CDK7: variants seen among roughly 807,000 people sequenced by gnomAD.
CDK7 encodes cyclin dependent kinase 7.
CDK7 carries 25 observed loss-of-function variants against 49.1 expected under a neutral mutation model. That is an observed-to-expected ratio of 0.51 (90% confidence interval 0.37 to 0.71). The LOEUF (loss-of-function observed/expected upper bound fraction) is 0.71. CDK7 is among the 30% of genes least tolerant of loss of function. The pLI is 0.00. For synonymous variants in CDK7, 107 were observed against 140.0 expected (o/e 0.76, Z 1.67); for missense variants, 316 against 411.7 (o/e 0.77, Z 2.01).
Position 69,269,199 on chromosome 5 carries a change from T to A in CDK7, c.628-8T>A. On this transcript the variant is annotated splice_polypyrimidine_tract_variant and splice_region_variant and intron_variant, in intron 8 of 11. Coordinates refer to ENST00000256443, the MANE Select transcript of CDK7 (RefSeq NM_001799.4). Reference sequence around the variant, plus strand: ...ACCTTGAAAAGTCTCCCTCTTACTTTCTTTCAGGTTCCTTTTTTGCCAGGA... The same window carrying A: ...ACCTTGAAAAGTCTCCCTCTTACTTACTTTCAGGTTCCTTTTTTGCCAGGA... 1 of 1,583,242 alleles carries A rather than the reference T, an allele frequency of 6.3e-7. No individual in the cohort carries two copies. The highest frequency in any genetic ancestry group is 8.6e-7 in the Non-Finnish European group (1 of 1,166,208).
chr5:69,253,839 C>A (rs1231814338), intron 3 of CDK7, among the ~76,000 whole-genome samples: 1 of 152,194 alleles, frequency 6.6e-6, no homozygotes, highest in Non-Finnish European at 1.5e-5. Context: ...TGGCTTACGC[C>A]TGTAATCCCA....
rs151286092 is a variant in CDK7, at chr5:69,258,165, A to C, written c.408+12A>C. Reference sequence around the variant, plus strand: ...GGATCCTACATAGGGTAAGGTTTTTAATATTGCTTCTTTATACTAGTCAAG... The same window carrying C: ...GGATCCTACATAGGGTAAGGTTTTTCATATTGCTTCTTTATACTAGTCAAG... On this transcript the variant is annotated intron_variant, in intron 6 of 11. Transcript: ENST00000256443. 3.4e-4 allele frequency: 427 copies of C among 1,269,088 alleles called. 3 individuals carry two copies. The East Asian group carries it at 7.4e-3, about 22-fold the overall frequency. 78.6% of individuals were successfully genotyped at this position (1,269,088 alleles called of 1,614,324 possible).
chr5:69,243,558 C>T lies in CDK7; in HGVS notation c.126+8105C>T, dbSNP rs528731191. Among the ~76,000 whole-genome samples the T allele has an allele frequency of 7.1e-4, 108 of 152,046 alleles. 1 individual carries two copies. The highest frequency in any genetic ancestry group is 1.0e-3 in the Non-Finnish European group (69 of 68,022). ...TTATTATAGCTTTGTTGTATGAAGTCGGGTAATGTGATTCCTCCCTTTTGT... is the reference window on the plus strand; with the variant it reads ...TTATTATAGCTTTGTTGTATGAAGTTGGGTAATGTGATTCCTCCCTTTTGT... On this transcript the variant is annotated intron_variant, in intron 2 of 11. Coordinates refer to ENST00000256443, the MANE Select transcript of CDK7 (RefSeq NM_001799.4).
chr5:69,271,927 T>G (rs1052999898), intron 9 of CDK7, among the ~76,000 whole-genome samples: 16 of 147,140 alleles, frequency 1.1e-4, no homozygotes, highest in African/African-American at 4.1e-4. Context: ...AAGGTTCAGT[T>G]TTTGTTTTTT....
chr5:69,271,805 C>A (rs775756961), intron 9 of CDK7, among the ~76,000 whole-genome samples: 11 of 152,114 alleles, frequency 7.2e-5, no homozygotes, highest in Non-Finnish European at 1.3e-4. Context: ...AGCCACTATG[C>A]CCTTGGCTGT....
At chr5:69,256,316 T>C (rs1750487882) in intron 5 of CDK7, among the ~76,000 whole-genome samples, 1 of 152,096 alleles carries the variant, frequency 6.6e-6, no homozygotes, top group African/African-American at 2.4e-5. Flanking sequence ...CAGAGTAATG[T>C]CATTCTTTTG....
intron 2 of CDK7, among the ~76,000 whole-genome samples, chr5:69,237,837 C>T (rs1404475103): frequency 6.6e-6 from 1 of 152,150 alleles, no homozygotes; most frequent in Admixed American, 6.6e-5. Flanking sequence ...GTCTCCTGGC[C>T]TCAAGTGATT....
chr5:69,242,473 C>T (rs1211880974), intron 2 of CDK7, among the ~76,000 whole-genome samples: 2 of 152,122 alleles, frequency 1.3e-5, no homozygotes, highest in Non-Finnish European at 2.9e-5. Context: ...CTGAAAGATA[C>T]CCCAACCACC....
chr5:69,260,473 C>G (rs939872731), intron 7 of CDK7, among the ~76,000 whole-genome samples: 1 of 152,072 alleles, frequency 6.6e-6, no homozygotes, highest in African/African-American at 2.4e-5. Flanking sequence ...AGACATTTAC[C>G]TTGTAAATGG....
chr5:69,269,170 A>AC (rs776844017), intron 8 of CDK7, 37 bp from the exon 9 acceptor site: 1 of 1,292,930 alleles, frequency 7.7e-7, no homozygotes, highest in Non-Finnish European at 1.1e-6. Context: ...AAAAAAAAAA[A>AC]CCCACCTTGA....
At chr5:69,245,116 A>C (rs1446549951) in intron 2 of CDK7, among the ~76,000 whole-genome samples, 1 of 152,140 alleles carries the variant, frequency 6.6e-6, no homozygotes, top group African/African-American at 2.4e-5. Flanking sequence ...AATGTACATC[A>C]GGATATTGGC....
At chr5:69,267,642 G>GA (rs1401784811) in intron 8 of CDK7, among the ~76,000 whole-genome samples, 1 of 151,618 alleles carries the variant, frequency 6.6e-6, no homozygotes, top group Non-Finnish European at 1.5e-5. Flanking sequence ...ATTGTCATCT[G>GA]AAAAAAGTGA....
At position 69,269,191 on chromosome 5, in the gene CDK7, TCTTA is replaced by T; in HGVS notation, c.628-12_628-9del. On this transcript the variant is annotated splice_polypyrimidine_tract_variant and intron_variant, in intron 8 of 11. Coordinates refer to ENST00000256443, the MANE Select transcript of CDK7 (RefSeq NM_001799.4). ...AAAAACCCACCTTGAAAAGTCTCCCTCTTACTTTCTTTCAGGTTCCTTTTTTGCC... is the reference window on the plus strand; with the variant it reads ...AAAAACCCACCTTGAAAAGTCTCCCTCTTTCTTTCAGGTTCCTTTTTTGCC... 4.5e-6 allele frequency: 7 copies of T among 1,546,522 alleles called. No homozygotes were observed. The highest frequency in any genetic ancestry group is 6.2e-6 in the Non-Finnish European group (7 of 1,136,002).
At chr5:69,253,857 G>C (rs965656226) in intron 3 of CDK7, among the ~76,000 whole-genome samples, 1 of 151,606 alleles carries the variant, frequency 6.6e-6, no homozygotes, top group African/African-American at 2.4e-5. Flanking sequence ...CCAGCACTTT[G>C]GGAGGGTGAG....
intron 8 of CDK7, among the ~76,000 whole-genome samples, chr5:69,267,557 A>G (rs763376015): frequency 1.4e-4 from 21 of 151,990 alleles, no homozygotes; most frequent in Non-Finnish European, 2.4e-4. Context: ...TCACCCTCCT[A>G]AAGTGCTGGG....
At chr5:69,261,490 CTGTG>C (rs1168767153) in intron 7 of CDK7, among the ~76,000 whole-genome samples, 1,640 of 139,622 alleles carry the variant, frequency 0.012, 36 homozygotes, top group African/African-American at 0.041. Flanking sequence ...AAAAGGTTCT[CTGTG>C]TGTGTGTGTG....
chr5:69,253,902 C>A (rs888028490), intron 3 of CDK7, among the ~76,000 whole-genome samples: 1 of 151,670 alleles, frequency 6.6e-6, no homozygotes, highest in African/African-American at 2.4e-5. Flanking sequence ...AGTTCGAAAC[C>A]AGCCTGGCCA....
At chr5:69,273,650 T>G (rs1751799537) in intron 10 of CDK7, among the ~76,000 whole-genome samples, 1 of 152,156 alleles carries the variant, frequency 6.6e-6, no homozygotes, top group South Asian at 2.1e-4. Flanking sequence ...CTAGAATAAC[T>G]TAGGGCAGAG....
rs1749401080 is a variant in CDK7 at position 69,241,702 on chromosome 5, GTCT to G, written c.126+6254_126+6256del. Among the ~76,000 whole-genome samples, 5 of 152,066 alleles carry G rather than the reference GTCT, an allele frequency of 3.3e-5. No homozygotes were observed. In the South Asian group the frequency reaches 1.0e-3, roughly 31 times the overall value. ...TTCTTATGCTGTCTGCCATTTGTAT[GTCT>G]TCTTTTGAGAAATACCTACTCAGAT... On this transcript the variant is annotated intron_variant, in intron 2 of 11. Coordinates refer to ENST00000256443, the MANE Select transcript of CDK7 (RefSeq NM_001799.4).
Sources: allele counts gnomAD v4.1 joint callset (sites outside exome capture counted in the v4.1 genomes callset), GRCh38; gene constraint gnomAD v4.1.1; transcripts MANE v1.5; gene names NCBI Gene and HGNC (gene_info 2026-07-23, HGNC 2026-07-21).